Variants in PPFIA2 observed in about 807,000 individuals in gnomAD.
PPFIA2 encodes the protein liprin-alpha-2.
In PPFIA2, 46 loss-of-function variants were observed where a neutral mutation model predicts 175.5. That is an observed-to-expected ratio of 0.26 (90% confidence interval 0.21 to 0.34). The LOEUF is 0.34. Among genes scored for constraint, PPFIA2 ranks in the 10% least tolerant of loss-of-function variants. The pLI is 1.00. For missense variants in PPFIA2, 1,179 were observed against 1,506.1 expected (o/e 0.78, Z 3.60); for synonymous variants, 568 against 511.4 (o/e 1.11, Z -1.49).
intron 4 of PPFIA2, among the ~76,000 whole-genome samples, chr12:81,619,994 C>A (rs1168498821): frequency 1.3e-5 from 2 of 151,726 alleles, no homozygotes; most frequent in African/African-American, 4.8e-5. Context: ...CCCGTCTCTA[C>A]TGAAAATACA....
At position 81,352,249 on chromosome 12, in the gene PPFIA2, T is replaced by C. The variant is rs531116422; in HGVS notation, c.1994+870A>G. Among the ~76,000 whole-genome samples the C allele has an allele frequency of 5.4e-4, 82 of 151,902 alleles. 1 individual carries two copies. Among genetic ancestry groups the C allele is most frequent in the African/African-American group, 2.0e-3 (82 of 41,502 alleles). ...AGATCCCTTAAAAGTATTTAAAAAT[T>C]GGAGTGAAATTAATTTGCTCTTCTG... is the stretch of plus-strand genomic sequence containing the variant. On this transcript the variant is annotated intron_variant, in intron 17 of 32. Coordinates refer to ENST00000549396, the MANE Select transcript of PPFIA2 (RefSeq NM_003625.5).
At chr12:81,570,583 T>C (rs1437554740) in intron 4 of PPFIA2, among the ~76,000 whole-genome samples, 5 of 152,016 alleles carry the variant, frequency 3.3e-5, no homozygotes, top group Admixed American at 2.6e-4. Flanking sequence ...ATTGTGGGTC[T>C]TTTATGCAAT....
At chr12:81,321,302 T>G (rs2053603286) in intron 22 of PPFIA2, among the ~76,000 whole-genome samples, 1 of 152,104 alleles carries the variant, frequency 6.6e-6, no homozygotes, top group Admixed American at 6.6e-5. Flanking sequence ...TTTCTAGAGA[T>G]GCTGACATGT....
chr12:81,417,736 A>G (rs2045560697), intron 7 of PPFIA2, among the ~76,000 whole-genome samples: 3 of 151,734 alleles, frequency 2.0e-5, no homozygotes, highest in Admixed American at 6.6e-5. Flanking sequence ...AAATGTGCAC[A>G]TATCAAAATA....
chr12:81,588,044 C>T (rs1047421118), intron 4 of PPFIA2, among the ~76,000 whole-genome samples: 20 of 151,836 alleles, frequency 1.3e-4, no homozygotes, highest in Admixed American at 1.1e-3. Flanking sequence ...AATTCCCAAT[C>T]TAGTGGTGCA....
chr12:81,318,617 AT>A (rs2052952271), intron 22 of PPFIA2, among the ~76,000 whole-genome samples: 1 of 151,710 alleles, frequency 6.6e-6, no homozygotes, highest in South Asian at 2.1e-4. Context: ...TGATGTTCTT[AT>A]TTAAATCATG....
At chr12:81,424,952 C>G (rs2046888342) in intron 7 of PPFIA2, 1 of 151,990 alleles carries the variant, frequency 6.6e-6, no homozygotes, top group Non-Finnish European at 1.5e-5. Context: ...GTTGATTAAC[C>G]AAAACCTGGA....
intron 4 of PPFIA2, among the ~76,000 whole-genome samples, chr12:81,509,968 C>T (rs547923453): frequency 1.3e-5 from 2 of 152,214 alleles, no homozygotes; most frequent in East Asian, 3.9e-4. Flanking sequence ...GAGAAAAGAA[C>T]ACACACCAAA....
intron 4 of PPFIA2, among the ~76,000 whole-genome samples, chr12:81,658,528 G>A (rs1314044376): frequency 6.6e-6 from 1 of 151,738 alleles, no homozygotes; most frequent in East Asian, 1.9e-4. Context: ...ATCTATCTTT[G>A]ATAAAAAGTA....
At position 81,622,822 on chromosome 12, in the gene PPFIA2, T is replaced by A. The variant is rs2062218461; in HGVS notation, c.303+53969A>T. Among the ~76,000 whole-genome samples, 5 of 152,110 alleles carry A rather than the reference T, an allele frequency of 3.3e-5. No individual in the cohort carries two copies. The South Asian group carries it at 1.0e-3, about 32-fold the overall frequency. On this transcript the variant is annotated intron_variant, in intron 4 of 32. Coordinates refer to ENST00000549396, the MANE Select transcript of PPFIA2 (RefSeq NM_003625.5). ...CAGATTAAATATTGGTTGAAATACCTCTAAAACTACACATATCATCATATT... is the reference window on the plus strand; with the variant it reads ...CAGATTAAATATTGGTTGAAATACCACTAAAACTACACATATCATCATATT...
chr12:81,754,529 A>G (rs1391220532), intron 2 of PPFIA2, among the ~76,000 whole-genome samples: 2 of 152,228 alleles, frequency 1.3e-5, no homozygotes, highest in African/African-American at 4.8e-5. Flanking sequence ...TTCAATTTAC[A>G]TAAACATGTG....
At chr12:81,325,478 G>A (rs1243089627) in intron 22 of PPFIA2, among the ~76,000 whole-genome samples, 1 of 152,010 alleles carries the variant, frequency 6.6e-6, no homozygotes, top group African/African-American at 2.4e-5. Context: ...AAACCAATCA[G>A]GTTTTAATTT....
At chr12:81,554,403 C>A (rs921237085) in intron 4 of PPFIA2, among the ~76,000 whole-genome samples, 1 of 151,932 alleles carries the variant, frequency 6.6e-6, no homozygotes, top group East Asian at 1.9e-4. Flanking sequence ...GAACTGGGAA[C>A]CGAAATGTCA....
At chr12:81,312,377 G>A (rs1221639188) in intron 22 of PPFIA2, 1 of 567,040 alleles carries the variant, frequency 1.8e-6, no homozygotes, top group Non-Finnish European at 3.1e-6. Context: ...GCTGAGGGTA[G>A]TTCTAATAGT....
chr12:81,506,558 A>G (rs904865020), intron 4 of PPFIA2, among the ~76,000 whole-genome samples: 3 of 152,228 alleles, frequency 2.0e-5, no homozygotes, highest in African/African-American at 7.2e-5. Flanking sequence ...GATGAATTGA[A>G]TTAAACACAT....
intron 3 of PPFIA2, among the ~76,000 whole-genome samples, chr12:81,683,345 AAAT>A (rs201028927): frequency 2.5e-5 from 1 of 39,728 alleles, no homozygotes; most frequent in East Asian, 1.8e-3. Context: ...AAACTGAAAA[AAAT>A]AATATATATA....
At chr12:81,352,798 T>C (rs761387236) in intron 17 of PPFIA2, among the ~76,000 whole-genome samples, 64 of 152,216 alleles carry the variant, frequency 4.2e-4, no homozygotes, top group Non-Finnish European at 9.1e-4. Context: ...TAAATTTTAA[T>C]TTAAAAAGTG....
At chr12:81,527,819 CT>C (rs1285804370) in intron 4 of PPFIA2, among the ~76,000 whole-genome samples, 7 of 152,020 alleles carry the variant, frequency 4.6e-5, no homozygotes, top group Non-Finnish European at 1.0e-4. Context: ...CTAAGAGAGC[CT>C]GCTTCCTGCT....
chr12:81,357,980 A>T, intron 16 of PPFIA2, 102 bp downstream of exon 16: 1 of 1,207,932 alleles, frequency 8.3e-7, no homozygotes, highest in Non-Finnish European at 1.1e-6. Context: ...CAAATTAATA[A>T]AAATGCTAGC....
Sources: gnomAD v4.1 joint callset for allele counts (sites outside exome capture counted in the v4.1 genomes callset) on GRCh38, gnomAD v4.1.1 for gene constraint, MANE v1.5 for transcripts, NCBI Gene and HGNC (gene_info 2026-07-23, HGNC 2026-07-21) for gene names.